SEMA3C: variants seen among roughly 807,000 people sequenced by gnomAD.
The protein encoded by SEMA3C is semaphorin 3C.
In SEMA3C, 47 loss-of-function variants were observed where a neutral mutation model predicts 89.4. That is an observed-to-expected ratio of 0.53 (90% CI 0.42 to 0.67). The LOEUF (loss-of-function observed/expected upper bound fraction) is 0.67, where lower values mean the gene tolerates loss of function less well. Ranked by LOEUF, SEMA3C falls within the 30% of genes least tolerant of loss-of-function variation. The pLI, the probability that SEMA3C is intolerant of heterozygous loss-of-function variation, is 0.00. For missense variants in SEMA3C, 839 were observed against 929.1 expected, an observed-to-expected ratio of 0.90 and a Z score of 1.26; for synonymous variants, 310 against 320.2, an observed-to-expected ratio of 0.97 and a Z score of 0.34.
chr7:80,897,591 A>G (rs181916497), intron 2 of SEMA3C, among the ~76,000 whole-genome samples: 15 of 152,320 alleles, frequency 9.8e-5, no homozygotes, highest in Admixed American at 3.9e-4. Flanking sequence ...ACGAAGAGGG[A>G]TAGTAGAAAT....
Position 80,744,020 on chromosome 7 carries a change from T to A in SEMA3C, c.*874A>T, listed in dbSNP as rs1019742533. On this transcript the variant is annotated 3_prime_UTR_variant, in exon 18 of 18. Transcript: ENST00000265361. ...GATGATTTCACACCTTATTTAGAAGTCTAATACTTCAAATTTTTCCTTCTT... is the reference window on the plus strand; with the variant it reads ...GATGATTTCACACCTTATTTAGAAGACTAATACTTCAAATTTTTCCTTCTT... The A allele has an allele frequency of 6.6e-6, 1 of 152,050 alleles. No individual in the cohort carries two copies. The highest frequency in any genetic ancestry group is 1.5e-5 in the Non-Finnish European group (1 of 67,976). The allele number at this position is 152,050 out of a possible 1,614,324, so 9.4% of individuals were successfully genotyped here. A position where few individuals can be genotyped will look rare whatever the true frequency, so the allele number is the denominator to read the frequency against.
In SEMA3C at chr7:80,802,755, G is replaced by T; in HGVS notation, c.826C>A (p.Leu276Ile). Residue 276 changes from leucine to isoleucine, a missense_variant, in exon 9 of 18, where the codon CTT becomes ATT. Physicochemically the swap from Leu to Ile is conservative, Grantham distance 5. Transcript: ENST00000265361. Reference sequence around the variant, plus strand: ...AAGAAAGTGGTCCACTTGTTGACAAGGCTACGCAGTCCACCAGTGTCATTC... The same window carrying T: ...AAGAAAGTGGTCCACTTGTTGACAATGCTACGCAGTCCACCAGTGTCATTC... ...CPNDTGGLRS[L>I]VNKWTTFLKA... The T allele has an allele frequency of 6.2e-7, 1 of 1,612,928 alleles. No homozygotes were observed. Among genetic ancestry groups the T allele is most frequent in the South Asian group, 1.1e-5 (1 of 91,038 alleles).
Position 80,804,218 on chromosome 7 carries a change from G to T in SEMA3C, c.689C>A (p.Pro230Gln). Reference protein sequence around the residue: ...EPMFVDAHVIPDGTDPNDAKV... With the variant: ...EPMFVDAHVIQDGTDPNDAKV... The stretch of plus-strand genomic sequence containing the variant: ...AGCATCATTTGGATCAGTACCATCT[G>T]GGATGACATGTGCATCTACAAACAT... Residue 230 changes from proline to glutamine, a missense_variant, in exon 8 of 18, where the codon CCA becomes CAA. By Grantham distance (76) the Pro-to-Gln change is moderately conservative. Transcript: ENST00000265361. The T allele has an allele frequency of 6.2e-7, 1 of 1,607,936 alleles. No individual in the cohort carries two copies. Among genetic ancestry groups the T allele is most frequent in the Non-Finnish European group, 8.5e-7 (1 of 1,176,992 alleles).
intron 2 of SEMA3C, among the ~76,000 whole-genome samples, chr7:80,856,013 T>C (rs1790629711): frequency 6.6e-6 from 1 of 152,132 alleles, no homozygotes; most frequent in African/African-American, 2.4e-5. Flanking sequence ...CTAAAAAAGG[T>C]CACATCTATT....
At chr7:80,765,562 T>TTTTTGTTTTG (rs544160095) in intron 12 of SEMA3C, among the ~76,000 whole-genome samples, 1 of 148,558 alleles carries the variant, frequency 6.7e-6, no homozygotes, top group African/African-American at 2.5e-5. Flanking sequence ...ACATAAGTTT[T>TTTTTGTTTTG]TTTTGTTTTG....
chr7:80,841,532 G>GT (rs1316306645), intron 2 of SEMA3C, among the ~76,000 whole-genome samples: 1 of 151,992 alleles, frequency 6.6e-6, no homozygotes, highest in African/African-American at 2.4e-5. Flanking sequence ...ATAAAATGCT[G>GT]AACTAGGCAA....
chr7:80,759,556 A>G lies in SEMA3C; in HGVS notation c.1486-1068T>C, dbSNP rs573332199. On this transcript the variant is annotated intron_variant, in intron 14 of 17. Transcript: ENST00000265361. ...CATATGGAGTTTTTGTAAGAAATAA[A>G]TGTTGTAAGGTTTTCCTCCACATAA... Among the ~76,000 whole-genome samples, 3 of 152,306 alleles carry G rather than the reference A, an allele frequency of 2.0e-5. No homozygotes were observed. In the East Asian group the frequency reaches 5.8e-4, roughly 29 times the overall value.
intron 2 of SEMA3C, chr7:80,905,702 T>G: frequency 2.2e-6 from 1 of 446,778 alleles, no homozygotes; most frequent in Admixed American, 2.5e-5. Context: ...AAGCTGATGC[T>G]CTAAACTAGT....
chr7:80,818,477 T>C, intron 4 of SEMA3C, 59 bp from the exon 5 acceptor site: 1 of 1,564,150 alleles, frequency 6.4e-7, no homozygotes, highest in Admixed American at 1.7e-5. Context: ...TTATTTCAGT[T>C]AGCTATGTTA....
At chr7:80,861,365 G>T (rs987922413) in intron 2 of SEMA3C, among the ~76,000 whole-genome samples, 3 of 151,898 alleles carry the variant, frequency 2.0e-5, no homozygotes, top group Non-Finnish European at 4.4e-5. Context: ...AGTTAAATTT[G>T]CCACTTAATA....
chr7:80,768,745 T>C (rs1029595828), intron 12 of SEMA3C, among the ~76,000 whole-genome samples: 1 of 152,080 alleles, frequency 6.6e-6, no homozygotes, highest in Non-Finnish European at 1.5e-5. Flanking sequence ...ACCAAAACAC[T>C]TGATCTGAAA....
At chr7:80,830,211 G>C (rs992756732) in intron 2 of SEMA3C, among the ~76,000 whole-genome samples, 7 of 152,166 alleles carry the variant, frequency 4.6e-5, no homozygotes, top group African/African-American at 1.4e-4. Context: ...ACCAGGTTCT[G>C]TTGCCAAACT....
At chr7:80,846,870 G>A (rs1790403579) in intron 2 of SEMA3C, among the ~76,000 whole-genome samples, 1 of 152,166 alleles carries the variant, frequency 6.6e-6, no homozygotes. Context: ...TTAAGTATGT[G>A]TTGATCAATT....
intron 12 of SEMA3C, among the ~76,000 whole-genome samples, chr7:80,772,402 G>A (rs1788452980): frequency 6.6e-6 from 1 of 152,174 alleles, no homozygotes; most frequent in Non-Finnish European, 1.5e-5. Flanking sequence ...AAAATATGAA[G>A]TATTTCTAAA....
At chr7:80,809,852 G>A (rs149603466) in intron 6 of SEMA3C, among the ~76,000 whole-genome samples, 183 of 152,118 alleles carry the variant, frequency 1.2e-3, no homozygotes, top group African/African-American at 4.3e-3. Context: ...AAATAAGCCA[G>A]GCACAGAAAG....
intron 2 of SEMA3C, among the ~76,000 whole-genome samples, chr7:80,884,038 A>G (rs1354486554): frequency 6.6e-6 from 1 of 152,214 alleles, no homozygotes; most frequent in Non-Finnish European, 1.5e-5. Flanking sequence ...TGGCAAAAAT[A>G]CTTGTTAACA....
At chr7:80,859,135 A>C (rs1369537155) in intron 2 of SEMA3C, among the ~76,000 whole-genome samples, 1 of 151,938 alleles carries the variant, frequency 6.6e-6, no homozygotes, top group East Asian at 1.9e-4. Context: ...AAACTCAAGA[A>C]AAAAAAGAAC....
At chr7:80,757,040 T>A (rs926508922) in intron 15 of SEMA3C, among the ~76,000 whole-genome samples, 1 of 152,200 alleles carries the variant, frequency 6.6e-6, no homozygotes, top group Non-Finnish European at 1.5e-5. Flanking sequence ...GCCTGGAAAA[T>A]ATATTTCCAG....
intron 2 of SEMA3C, among the ~76,000 whole-genome samples, chr7:80,863,429 C>T (rs531784368): frequency 3.3e-5 from 5 of 151,624 alleles, no homozygotes; most frequent in South Asian, 2.1e-4. Context: ...CTAGTACAGC[C>T]GCTATGGAAA....
Sources: gnomAD v4.1 joint callset for allele counts (sites outside exome capture counted in the v4.1 genomes callset) on GRCh38, gnomAD v4.1.1 for gene constraint, MANE v1.5 for transcripts, NCBI Gene and HGNC (gene_info 2026-07-23, HGNC 2026-07-21) for gene names.